GSDME: variants seen among roughly 807,000 people sequenced by gnomAD.
The protein encoded by GSDME is gasdermin-E.
GSDME carries 44 observed loss-of-function variants against 47.5 expected under a neutral mutation model. The observed-to-expected ratio is 0.93, with a 90% confidence interval of 0.73 to 1.19. The LOEUF (loss-of-function observed/expected upper bound fraction) is 1.19. GSDME is among the 50% of genes most tolerant of loss of function. The pLI is 0.00. For synonymous variants in GSDME, 258 were observed against 252.8 expected (o/e 1.02, Z -0.20); for missense variants, 663 against 604.2 (o/e 1.10, Z -1.02).
the GSDME span, among the ~76,000 whole-genome samples, chr7:24,786,950 T>A: frequency 6.6e-6 from 1 of 152,058 alleles, no homozygotes; most frequent in South Asian, 2.1e-4. This position sits in a 1 kb window ranked among gnomAD's most constrained non-coding sequence, Gnocchi z 5.5. Flanking sequence ...CTCCCTAAGA[T>A]TGTATTTGGA....
chr7:24,782,216 C>T, the GSDME span, among the ~76,000 whole-genome samples: 6 of 125,056 alleles, frequency 4.8e-5, no homozygotes, highest in Non-Finnish European at 8.3e-5. Flanking sequence ...TCCCTCCCCC[C>T]TCCCCCCACC....
chr7:24,779,285 T>C, the GSDME span, among the ~76,000 whole-genome samples: 4 of 152,224 alleles, frequency 2.6e-5, no homozygotes, highest in Non-Finnish European at 5.9e-5. This position sits in a 1 kb window ranked among gnomAD's most constrained non-coding sequence, Gnocchi z 6.0. Flanking sequence ...GGTTAGTAAC[T>C]GCAGAATGGC....
At position 24,712,545 on chromosome 7, in the gene GSDME, C is replaced by G. The variant is rs895394178; in HGVS notation, c.698-2157G>C. ...CTTTAAAATTCCCTATACCAGGCCC[C>G]GTGCTCACAGCCACAGATACAAAGG... On this transcript the variant is annotated intron_variant, in intron 5 of 9. Coordinates refer to ENST00000645220, the MANE Select transcript of GSDME (RefSeq NM_001127453.2). This position sits in a 1 kb window ranked among gnomAD's most constrained non-coding sequence, Gnocchi z 4.4. Among the ~76,000 whole-genome samples, 5 of 152,196 alleles carry G rather than the reference C, an allele frequency of 3.3e-5. No individual in the cohort carries two copies. The South Asian group carries it at 8.3e-4, about 25-fold the overall frequency.
the GSDME span, among the ~76,000 whole-genome samples, chr7:24,778,057 AC>A: frequency 6.6e-6 from 1 of 151,074 alleles, no homozygotes; most frequent in East Asian, 1.9e-4. This position sits in a 1 kb window ranked among gnomAD's most constrained non-coding sequence, Gnocchi z 5.6. Context: ...AGATGGAGGG[AC>A]AAAGAAAGAG....
In GSDME at chr7:24,724,291, G is replaced by A. The variant is rs1378763238; in HGVS notation, c.405-5073C>T. The stretch of plus-strand genomic sequence containing the variant: ...GCCCTGTGCTATCCACCCAGCTGGG[G>A]GATAAAATGAATGGTTTATCACATA... On this transcript the variant is annotated intron_variant, in intron 3 of 9. Coordinates refer to ENST00000645220, the MANE Select transcript of GSDME (RefSeq NM_001127453.2). The surrounding 1 kb of genome is among the most constrained non-coding windows in gnomAD (Gnocchi z 4.8). Among the ~76,000 whole-genome samples the A allele has an allele frequency of 2.0e-5, 3 of 152,078 alleles. No homozygotes were observed. The highest frequency in any genetic ancestry group is 4.2e-4 in the South Asian group (2 of 4,816).
At position 24,739,758 on chromosome 7, in the gene GSDME, G is replaced by A. The variant is rs1790427272; in HGVS notation, c.404+4804C>T. On this transcript the variant is annotated intron_variant, in intron 3 of 9. Transcript: ENST00000645220. This position sits in a 1 kb window ranked among gnomAD's most constrained non-coding sequence, Gnocchi z 5.1. ...CTCAATAGATGAATAAAGAAAATGT[G>A]GTAAATATACACGATAGAGTACTAT... Among the ~76,000 whole-genome samples the A allele has an allele frequency of 6.6e-6, 1 of 151,982 alleles. No individual in the cohort carries two copies. Among genetic ancestry groups the A allele is most frequent in the African/African-American group, 2.4e-5 (1 of 41,366 alleles).
At chr7:24,707,260 A>T in intron 7 of GSDME, 1 of 467,144 alleles carries the variant, frequency 2.1e-6, no homozygotes, top group Non-Finnish European at 4.4e-6. Flanking sequence ...TAGAAAAACA[A>T]AAGAACAAAA....
chr7:24,791,111 G>A, the GSDME span, among the ~76,000 whole-genome samples: 29 of 152,152 alleles, frequency 1.9e-4, no homozygotes, highest in African/African-American at 5.3e-4. The surrounding 1 kb of genome is among the most constrained non-coding windows in gnomAD (Gnocchi z 4.8). Flanking sequence ...CAGGTGCTGC[G>A]GGTTTCATGG....
chr7:24,793,941 A>C, the GSDME span, among the ~76,000 whole-genome samples: 31 of 152,368 alleles, frequency 2.0e-4, no homozygotes, highest in African/African-American at 7.5e-4. Flanking sequence ...TACTGGGTTA[A>C]GGAATTTTGA....
intron 4 of GSDME, among the ~76,000 whole-genome samples, chr7:24,717,954 C>G (rs1369407535): frequency 6.6e-6 from 1 of 152,200 alleles, no homozygotes; most frequent in Non-Finnish European, 1.5e-5. Flanking sequence ...CCCACGATGT[C>G]CTGGTGAGAG....
intron 1 of GSDME, among the ~76,000 whole-genome samples, chr7:24,753,924 A>G (rs1790934214): frequency 6.6e-6 from 1 of 152,242 alleles, no homozygotes; most frequent in South Asian, 2.1e-4. Context: ...TCTCAAACAC[A>G]TAAGATAACT....
At chr7:24,782,364 G>C in the GSDME span, among the ~76,000 whole-genome samples, 1 of 152,046 alleles carries the variant, frequency 6.6e-6, no homozygotes, top group Non-Finnish European at 1.5e-5. Context: ...ATGGTTTCCA[G>C]TTTCATCCAT....
At chr7:24,737,090 TAAAG>T (rs1041902242) in intron 3 of GSDME, among the ~76,000 whole-genome samples, 2 of 151,898 alleles carry the variant, frequency 1.3e-5, no homozygotes, top group Non-Finnish European at 2.9e-5. Flanking sequence ...CAATGCATCT[TAAAG>T]AACTAGAAAA....
chr7:24,708,587 A>G (rs552821819), intron 6 of GSDME, among the ~76,000 whole-genome samples: 1 of 152,030 alleles, frequency 6.6e-6, no homozygotes, highest in South Asian at 2.1e-4. Flanking sequence ...TGACTTCTCT[A>G]GAAGTAAATT....
At chr7:24,720,962 T>C (rs945398608) in intron 3 of GSDME, among the ~76,000 whole-genome samples, 1 of 151,682 alleles carries the variant, frequency 6.6e-6, no homozygotes, top group African/African-American at 2.4e-5. Flanking sequence ...TGGGTGAACC[T>C]TGAAGACATT....
At chr7:24,710,417 G>A (rs371684537) in intron 5 of GSDME, 29 bp from the exon 6 acceptor site, 2 of 1,613,766 alleles carry the variant, frequency 1.2e-6, no homozygotes, top group Non-Finnish European at 1.7e-6. Context: ...GGACAAGTTA[G>A]GTAAAGTTGA....
chr7:24,774,100 G>A, the GSDME span, among the ~76,000 whole-genome samples: 1 of 152,124 alleles, frequency 6.6e-6, no homozygotes, highest in African/African-American at 2.4e-5. Flanking sequence ...GGACTCCCAG[G>A]CCCTGCTCAT....
the GSDME span, among the ~76,000 whole-genome samples, chr7:24,774,520 T>A: frequency 1.1e-4 from 17 of 151,720 alleles, no homozygotes; most frequent in South Asian, 4.2e-4. Flanking sequence ...TAAAAAAAAT[T>A]TTTTTAAATT....
At chr7:24,702,039 T>C (rs1250923107) in intron 9 of GSDME, among the ~76,000 whole-genome samples, 1 of 152,204 alleles carries the variant, frequency 6.6e-6, no homozygotes, top group Non-Finnish European at 1.5e-5. Flanking sequence ...CCTTGGACTT[T>C]AGTAATTAGG....
Sources: allele counts gnomAD v4.1 joint callset (sites outside exome capture counted in the v4.1 genomes callset), GRCh38; gene constraint gnomAD v4.1.1; non-coding constraint Gnocchi (gnomAD v3.1); transcripts MANE v1.5; gene names NCBI Gene and HGNC (gene_info 2026-07-23, HGNC 2026-07-21).